FSTL1: variants seen among roughly 807,000 people sequenced by gnomAD.
FSTL1 encodes follistatin-related protein 1.
Under a neutral mutation model 45.9 loss-of-function variants are expected in FSTL1, and 24 were observed. The observed-to-expected ratio is 0.52, with a 90% CI of 0.38 to 0.74. The LOEUF (loss-of-function observed/expected upper bound fraction) is 0.74. Ranked by LOEUF, FSTL1 falls within the 30% of genes least tolerant of loss-of-function variation. The pLI is 0.00. For missense variants in FSTL1, 340 were observed against 381.8 expected (o/e 0.89, Z 0.91); for synonymous variants, 120 against 137.6 (o/e 0.87, Z 0.89).
intron 2 of FSTL1, among the ~76,000 whole-genome samples, chr3:120,446,355 G>A (rs1032735535): frequency 1.3e-5 from 2 of 152,170 alleles, no homozygotes; most frequent in Admixed American, 6.5e-5. Flanking sequence ...TTGCTTCTAT[G>A]AGCCTGGGGA....
At chr3:120,401,244 T>C (rs1936819747) in intron 9 of FSTL1, among the ~76,000 whole-genome samples, 1 of 152,212 alleles carries the variant, frequency 6.6e-6, no homozygotes, top group Non-Finnish European at 1.5e-5. Flanking sequence ...ACTCTGTGTT[T>C]GGTCTGGAGA....
chr3:120,407,636 C>T (rs1419637004), intron 6 of FSTL1, among the ~76,000 whole-genome samples: 2 of 152,188 alleles, frequency 1.3e-5, no homozygotes, highest in Non-Finnish European at 2.9e-5. Flanking sequence ...AGATATCAGA[C>T]CTCTCACCAA....
At position 120,392,362 on chromosome 3, in the gene FSTL1, A is replaced by G. The variant is rs1936610432; in HGVS notation, c.*4590T>C. 6.6e-6 allele frequency: 1 copy of G among 152,188 alleles called. No homozygotes were observed. The highest frequency in any genetic ancestry group is 1.5e-5 in the Non-Finnish European group (1 of 68,024). 9.4% of individuals were successfully genotyped at this position (152,188 alleles called of 1,614,324 possible). ...ATAAAAAATAAAACAAGGAGTTACC[A>G]TTTTTCCTCTATCAGAGGCCAAAAA... is the stretch of plus-strand genomic sequence containing the variant. On this transcript the variant is annotated 3_prime_UTR_variant, in exon 11 of 11. Coordinates refer to ENST00000295633, the MANE Select transcript of FSTL1 (RefSeq NM_007085.5).
At chr3:120,449,314 G>A (rs545296485) in intron 2 of FSTL1, among the ~76,000 whole-genome samples, 4 of 152,264 alleles carry the variant, frequency 2.6e-5, no homozygotes, top group South Asian at 4.1e-4. Context: ...TGCAGGTAAC[G>A]TACACAGCCC....
Position 120,402,935 on chromosome 3 carries a change from A to G in FSTL1, c.695-17T>C. On this transcript the variant is annotated splice_polypyrimidine_tract_variant and intron_variant, in intron 8 of 10. Transcript: ENST00000295633. Reference sequence around the variant, plus strand: ...GGGCACACTCTGTTGGGCCAGAAATACGGGGCAACAGTTTAGCTGTGAGGG... The same window carrying G: ...GGGCACACTCTGTTGGGCCAGAAATGCGGGGCAACAGTTTAGCTGTGAGGG... 1 of 1,477,448 alleles carries G rather than the reference A, an allele frequency of 6.8e-7. No homozygotes were observed. Among genetic ancestry groups the G allele is most frequent in the Non-Finnish European group, 9.5e-7 (1 of 1,055,402 alleles). The allele number at this position is 1,477,448 out of a possible 1,614,324, so 91.5% of individuals were successfully genotyped here.
intron 5 of FSTL1, 35 bp from the exon 6 acceptor site, chr3:120,409,697 CAG>C (rs765158611): frequency 6.2e-7 from 1 of 1,609,940 alleles, no homozygotes; most frequent in African/African-American, 1.3e-5. Flanking sequence ...CTGGAGCAGT[CAG>C]GGGAGGACCC....
intron 2 of FSTL1, among the ~76,000 whole-genome samples, chr3:120,449,329 T>C (rs1286955068): frequency 6.6e-6 from 1 of 152,196 alleles, no homozygotes; most frequent in East Asian, 1.9e-4. Context: ...CAGCCCAGTG[T>C]GTGGTAAACA....
chr3:120,431,198 C>T (rs925347324), intron 2 of FSTL1, among the ~76,000 whole-genome samples: 5 of 152,092 alleles, frequency 3.3e-5, no homozygotes, highest in African/African-American at 4.8e-5. Flanking sequence ...TCTTGAACTC[C>T]GGACCTCAAG....
intron 2 of FSTL1, among the ~76,000 whole-genome samples, chr3:120,418,213 T>G (rs1937219367): frequency 6.6e-6 from 1 of 152,214 alleles, no homozygotes; most frequent in South Asian, 2.1e-4. Flanking sequence ...TTCATACACA[T>G]GATTTTGTCT....
At chr3:120,409,240 G>C (rs1271083787) in intron 6 of FSTL1, among the ~76,000 whole-genome samples, 1 of 152,176 alleles carries the variant, frequency 6.6e-6, no homozygotes, top group African/African-American at 2.4e-5. Context: ...ATGGCGAGTA[G>C]GGGACAGAGC....
intron 3 of FSTL1, among the ~76,000 whole-genome samples, chr3:120,412,234 A>T (rs1937071636): frequency 6.6e-6 from 1 of 152,198 alleles, no homozygotes; most frequent in African/African-American, 2.4e-5. Flanking sequence ...GAAGAAAGAG[A>T]CACCCTCTAT....
intron 2 of FSTL1, among the ~76,000 whole-genome samples, chr3:120,422,441 AAAACATTT>A (rs1937294898): frequency 6.6e-6 from 1 of 152,236 alleles, no homozygotes; most frequent in Non-Finnish European, 1.5e-5. Flanking sequence ...TTAAAACATT[AAAACATTT>A]GTACACCTTA....
At chr3:120,444,910 T>A (rs534099828) in intron 2 of FSTL1, among the ~76,000 whole-genome samples, 1 of 150,018 alleles carries the variant, frequency 6.7e-6, no homozygotes, top group East Asian at 1.9e-4. Context: ...ATGCTTTTGG[T>A]GGCACATACA....
Position 120,399,827 on chromosome 3 carries a change from G to A in FSTL1, c.882+56C>T, listed in dbSNP as rs1421067693. 12 of 1,174,796 alleles carry A rather than the reference G, an allele frequency of 1.0e-5. No individual in the cohort carries two copies. In the East Asian group the frequency reaches 2.5e-4, roughly 24 times the overall value. The allele number at this position is 1,174,796 out of a possible 1,614,324, so 72.8% of individuals were successfully genotyped here. ...TGGGGCACTGGGCAGTGTTTGAATG[G>A]TATAGGGCCTGATGGCAACAGCAAC... On this transcript the variant is annotated intron_variant, in intron 10 of 10. Coordinates refer to ENST00000295633, the MANE Select transcript of FSTL1 (RefSeq NM_007085.5).
intron 2 of FSTL1, among the ~76,000 whole-genome samples, chr3:120,444,656 TTAA>T (rs1186156637): frequency 3.3e-5 from 5 of 149,858 alleles, no homozygotes; most frequent in Admixed American, 6.6e-5. Flanking sequence ...AATAAAAAAG[TTAA>T]TGTGTTATTT....
intron 6 of FSTL1, 38 bp from the exon 7 acceptor site, chr3:120,405,009 G>A (rs555454416): frequency 3.9e-6 from 4 of 1,028,118 alleles, no homozygotes; most frequent in Non-Finnish European, 6.2e-6. Context: ...GGGATGTTTT[G>A]CAGAACCCCT....
chr3:120,434,538 T>C (rs1410709239), intron 2 of FSTL1, among the ~76,000 whole-genome samples: 1 of 152,244 alleles, frequency 6.6e-6, no homozygotes, highest in Non-Finnish European at 1.5e-5. Flanking sequence ...TTTATGGCCT[T>C]TTTTGAAATG....
At chr3:120,401,230 A>G (rs1490274730) in intron 9 of FSTL1, among the ~76,000 whole-genome samples, 3 of 152,216 alleles carry the variant, frequency 2.0e-5, no homozygotes, top group East Asian at 3.9e-4. Flanking sequence ...TGGTTTCAGT[A>G]GCAACTCTGT....
chr3:120,442,150 T>C (rs181303543), intron 2 of FSTL1, among the ~76,000 whole-genome samples: 1 of 152,336 alleles, frequency 6.6e-6, no homozygotes, highest in East Asian at 1.9e-4. Context: ...GTTTTTGGTG[T>C]TGACTATACA....
Sources: allele counts gnomAD v4.1 joint callset (sites outside exome capture counted in the v4.1 genomes callset), GRCh38; gene constraint gnomAD v4.1.1; transcripts MANE v1.5; gene names NCBI Gene and HGNC (gene_info 2026-07-23, HGNC 2026-07-21).